GRM1: variants seen among roughly 807,000 people sequenced by gnomAD.
GRM1 encodes glutamate metabotropic receptor 1, also known as metabotropic glutamate receptor 1.
In GRM1, 33 loss-of-function variants were observed where a neutral mutation model predicts 90.9. The ratio of observed to expected loss-of-function variants is 0.36; its 90% confidence interval spans 0.28 to 0.49. GRM1 has a LOEUF of 0.49. Ranked by LOEUF, GRM1 falls within the 20% of genes least tolerant of loss-of-function variation. GRM1 has a pLI of 0.99. For synonymous variants in GRM1, 700 were observed against 613.2 expected (o/e 1.14, Z -2.09); for missense variants, 1,190 against 1,534.3 (o/e 0.78, Z 3.75).
chr6:146,237,990 C>T (rs1322317290), intron 2 of GRM1, among the ~76,000 whole-genome samples: 1 of 152,102 alleles, frequency 6.6e-6, no homozygotes, highest in South Asian at 2.1e-4. Context: ...TGCAATGACC[C>T]CTGGTTACAA....
At chr6:146,278,991 G>C (rs185538344) in intron 2 of GRM1, among the ~76,000 whole-genome samples, 1 of 152,074 alleles carries the variant, frequency 6.6e-6, no homozygotes, top group Non-Finnish European at 1.5e-5. Flanking sequence ...AGGCGTGAGC[G>C]ACCGCGTCCA....
chr6:146,159,159 G>A (rs1248914654), intron 1 of GRM1, among the ~76,000 whole-genome samples, 189 bp from the exon 2 acceptor site: 1 of 152,218 alleles, frequency 6.6e-6, no homozygotes, highest in African/African-American at 2.4e-5. Flanking sequence ...TTTCCACAGA[G>A]TTGATTGTCT....
chr6:146,041,053 G>T (rs893058147), intron 1 of GRM1, among the ~76,000 whole-genome samples: 9 of 149,320 alleles, frequency 6.0e-5, no homozygotes, highest in South Asian at 2.1e-4. Flanking sequence ...CATTTTTTTT[G>T]ATTCAACTAA....
At chr6:146,345,369 A>G (rs1785145735) in intron 3 of GRM1, among the ~76,000 whole-genome samples, 1 of 152,188 alleles carries the variant, frequency 6.6e-6, no homozygotes, top group Non-Finnish European at 1.5e-5. Flanking sequence ...ATAAAAGTGG[A>G]TTTACAATGT....
intron 2 of GRM1, among the ~76,000 whole-genome samples, chr6:146,264,410 A>G (rs888372432): frequency 6.6e-6 from 1 of 152,184 alleles, no homozygotes; most frequent in African/African-American, 2.4e-5. Flanking sequence ...AAGATTCTTA[A>G]TGCACAGTAT....
intron 3 of GRM1, among the ~76,000 whole-genome samples, chr6:146,343,332 C>T (rs1562624085): frequency 6.6e-6 from 1 of 152,078 alleles, no homozygotes; most frequent in Non-Finnish European, 1.5e-5. Flanking sequence ...TAAAAAAATG[C>T]TATGCTCTTT....
chr6:146,036,721 A>T, intron 1 of GRM1, among the ~76,000 whole-genome samples: 1 of 151,946 alleles, frequency 6.6e-6, no homozygotes, highest in East Asian at 1.9e-4. Flanking sequence ...CAAATTAAAT[A>T]TTCAAGGCAA....
chr6:146,168,543 G>T (rs1777991497), intron 2 of GRM1, among the ~76,000 whole-genome samples: 1 of 151,888 alleles, frequency 6.6e-6, no homozygotes, highest in Admixed American at 6.6e-5. Flanking sequence ...AACTATTTAT[G>T]ACCTTCTTCA....
rs537797324 is a variant in GRM1, at chr6:146,318,729, T to G, written c.1186+13883T>G. On this transcript the variant is annotated intron_variant, in intron 3 of 7. Coordinates refer to ENST00000282753, the MANE Select transcript of GRM1 (RefSeq NM_001278064.2). ...CAAGAGATGGTATCTCATTGAGGTT[T>G]TGATTTGCATTTCTCTAGTGGCCAG... is the stretch of plus-strand genomic sequence containing the variant. Among the ~76,000 whole-genome samples the G allele has an allele frequency of 4.5e-3, 682 of 152,360 alleles. 3 individuals carry two copies. Among genetic ancestry groups the G allele is most frequent in the African/African-American group, 0.015 (617 of 41,592 alleles).
chr6:146,302,540 T>G (rs1439729077), intron 2 of GRM1, among the ~76,000 whole-genome samples: 1 of 128,574 alleles, frequency 7.8e-6, no homozygotes, highest in Non-Finnish European at 1.8e-5. Flanking sequence ...TCCAGATAAT[T>G]TTATTTATTT....
intron 2 of GRM1, among the ~76,000 whole-genome samples, chr6:146,210,157 C>T (rs1424115607): frequency 6.6e-6 from 1 of 152,040 alleles, no homozygotes; most frequent in Non-Finnish European, 1.5e-5. Flanking sequence ...GATTGAGTTG[C>T]AATGTCAAAA....
In GRM1 at chr6:146,298,053, A is replaced by C. The variant is rs534523675; in HGVS notation, c.951-6558A>C. On this transcript the variant is annotated intron_variant, in intron 2 of 7. Coordinates refer to ENST00000282753, the MANE Select transcript of GRM1 (RefSeq NM_001278064.2). ...ATTGCAATGACACTGCAACCCAAGA[A>C]ACTGCCCAGCCAGGCATGATTGCCA... is the stretch of plus-strand genomic sequence containing the variant. Among the ~76,000 whole-genome samples, 196 of 152,322 alleles carry C rather than the reference A, an allele frequency of 1.3e-3. 1 individual carries two copies. Among genetic ancestry groups the C allele is most frequent in the African/African-American group, 4.7e-3 (194 of 41,558 alleles).
chr6:146,320,816 C>T (rs1463759173), intron 3 of GRM1, among the ~76,000 whole-genome samples: 1 of 151,894 alleles, frequency 6.6e-6, no homozygotes. Context: ...GTGATGATAT[C>T]CCCTTTCTCA....
In GRM1 at chr6:146,029,838, C is replaced by T. The variant is rs202052621; in HGVS notation, c.321C>T (p.Asp107=). The T allele has an allele frequency of 1.4e-4, 231 of 1,614,100 alleles. 3 individuals carry two copies. The Admixed American group carries it at 3.7e-3, about 26-fold the overall frequency. ...PNITLGSEIR[D]SCWHSSVALE... is the part of the protein sequence containing the mutation. Reference sequence around the variant, plus strand: ...TCACCCTGGGCAGTGAGATCCGGGACTCCTGCTGGCACTCTTCCGTGGCTC... The same window carrying T: ...TCACCCTGGGCAGTGAGATCCGGGATTCCTGCTGGCACTCTTCCGTGGCTC... The change falls in exon 1 of 8, where the codon GAC becomes GAT. Residue 107 remains aspartate (D), a synonymous_variant. Transcript: ENST00000282753.
intron 2 of GRM1, among the ~76,000 whole-genome samples, chr6:146,173,412 A>G (rs1344505249): frequency 1.4e-5 from 2 of 144,394 alleles, no homozygotes; most frequent in African/African-American, 5.5e-5. Context: ...AAAGAAAAGA[A>G]AAAAAAAAAG....
chr6:146,241,101 T>C (rs968698054), intron 2 of GRM1, among the ~76,000 whole-genome samples: 1 of 152,166 alleles, frequency 6.6e-6, no homozygotes, highest in Non-Finnish European at 1.5e-5. Context: ...TTCACCACTT[T>C]ATTTTCAAAT....
At chr6:146,425,917 A>G (rs566127884) in intron 7 of GRM1, among the ~76,000 whole-genome samples, 1 of 152,164 alleles carries the variant, frequency 6.6e-6, no homozygotes, top group Non-Finnish European at 1.5e-5. Flanking sequence ...CATCTGCCAA[A>G]GGGGCACAGA....
intron 1 of GRM1, among the ~76,000 whole-genome samples, chr6:146,150,965 C>CACACA (rs1414130592): frequency 6.6e-6 from 1 of 151,198 alleles, no homozygotes; most frequent in African/African-American, 2.4e-5. Context: ...CACACACACA[C>CACACA]ACTACATTTT....
At chr6:146,238,831 C>G (rs1201326703) in intron 2 of GRM1, among the ~76,000 whole-genome samples, 5 of 152,116 alleles carry the variant, frequency 3.3e-5, no homozygotes, top group Admixed American at 3.3e-4. Flanking sequence ...ACATTTTATG[C>G]TCTTTCCCTA....
Sources: gnomAD v4.1 joint callset for allele counts (sites outside exome capture counted in the v4.1 genomes callset) on GRCh38, gnomAD v4.1.1 for gene constraint, MANE v1.5 for transcripts, NCBI Gene and HGNC (gene_info 2026-07-23, HGNC 2026-07-21) for gene names.